UNC5C: variants seen among roughly 807,000 people sequenced by gnomAD.
UNC5C encodes the protein unc-5 netrin receptor C, also known as netrin receptor UNC5C.
In UNC5C, 47 loss-of-function variants were observed where a neutral mutation model predicts 99.8. The ratio of observed to expected loss-of-function variants is 0.47; its 90% CI spans 0.37 to 0.60. UNC5C has a LOEUF of 0.60. Among genes scored for constraint, UNC5C ranks in the 20% least tolerant of loss-of-function variants. The probability of loss-of-function intolerance (pLI) is 0.00; values close to 1 mark genes in which losing one functional copy is unlikely to be tolerated. For missense variants in UNC5C, 1,062 were observed against 1,165.9 expected, an observed-to-expected ratio of 0.91 and a Z score of 1.30; for synonymous variants, 487 against 452.2, an observed-to-expected ratio of 1.08 and a Z score of -0.98.
intron 1 of UNC5C, among the ~76,000 whole-genome samples, chr4:95,452,059 T>C (rs188267230): frequency 6.6e-6 from 1 of 152,280 alleles, no homozygotes; most frequent in East Asian, 1.9e-4. Flanking sequence ...ACATAGCATA[T>C]TGGTTAAAAC....
chr4:95,260,257 A>G (rs6532537), intron 4 of UNC5C, among the ~76,000 whole-genome samples: 78,767 of 152,078 alleles, frequency 0.52, 21,000 homozygotes, highest in African/African-American at 0.62. Context: ...ACCCCAAAGT[A>G]GTCCACAAAA....
intron 1 of UNC5C, among the ~76,000 whole-genome samples, chr4:95,509,161 T>A (rs72876473): frequency 0.064 from 9,728 of 151,952 alleles, 730 homozygotes; most frequent in African/African-American, 0.18. Context: ...TTCTCGATTA[T>A]TATCACAATT....
At chr4:95,516,538 T>C (rs954527056) in intron 1 of UNC5C, among the ~76,000 whole-genome samples, 2 of 152,160 alleles carry the variant, frequency 1.3e-5, no homozygotes, top group African/African-American at 4.8e-5. Context: ...TTGATTGGTG[T>C]ATGGTGAAAG....
intron 1 of UNC5C, among the ~76,000 whole-genome samples, chr4:95,504,947 AT>A (rs2149485454): frequency 6.6e-6 from 1 of 152,108 alleles, no homozygotes; most frequent in East Asian, 1.9e-4. Context: ...AAACTTCTAT[AT>A]TTTTAAGGTG....
intron 7 of UNC5C, among the ~76,000 whole-genome samples, chr4:95,226,182 C>G (rs575741903): frequency 6.6e-6 from 1 of 152,308 alleles, no homozygotes; most frequent in East Asian, 1.9e-4. Context: ...AACTTTCCTG[C>G]TACTTCAAAG....
intron 1 of UNC5C, among the ~76,000 whole-genome samples, chr4:95,393,559 C>T (rs1418258507): frequency 6.6e-6 from 1 of 152,186 alleles, no homozygotes; most frequent in African/African-American, 2.4e-5. Flanking sequence ...GGAAGTTCCA[C>T]TGAATACCAT....
At chr4:95,230,721 A>G (rs552000419) in intron 7 of UNC5C, among the ~76,000 whole-genome samples, 1 of 151,728 alleles carries the variant, frequency 6.6e-6, no homozygotes, top group African/African-American at 2.4e-5. Flanking sequence ...TAAAGCAATA[A>G]AAGCTGACAA....
At chr4:95,180,805 A>G (rs1736581076) in intron 14 of UNC5C, among the ~76,000 whole-genome samples, 1 of 152,156 alleles carries the variant, frequency 6.6e-6, no homozygotes, top group Non-Finnish European at 1.5e-5. Flanking sequence ...TTGGAACGGG[A>G]ACCCCAGCCT....
chr4:95,481,216 C>A (rs993473518), intron 1 of UNC5C, among the ~76,000 whole-genome samples: 2 of 151,916 alleles, frequency 1.3e-5, no homozygotes, highest in African/African-American at 4.8e-5. Context: ...ACACCAATAA[C>A]AGACAAACAG....
chr4:95,318,263 A>T (rs758569875), intron 2 of UNC5C, among the ~76,000 whole-genome samples: 4 of 152,096 alleles, frequency 2.6e-5, no homozygotes, highest in Non-Finnish European at 4.4e-5. Context: ...TGACGTGAAG[A>T]TGGAGGCTGA....
At chr4:95,327,474 G>A (rs1453751355) in intron 2 of UNC5C, among the ~76,000 whole-genome samples, 2 of 151,906 alleles carry the variant, frequency 1.3e-5, no homozygotes, top group East Asian at 3.9e-4. Flanking sequence ...TCAACTGCTT[G>A]TTATATGTTT....
intron 1 of UNC5C, among the ~76,000 whole-genome samples, chr4:95,445,270 T>A (rs1247994594): frequency 6.6e-6 from 1 of 152,190 alleles, no homozygotes; most frequent in Non-Finnish European, 1.5e-5. Flanking sequence ...TTAGTTTTTT[T>A]CTCCTGAATT....
intron 1 of UNC5C, among the ~76,000 whole-genome samples, chr4:95,412,825 G>A (rs779919880): frequency 2.0e-5 from 3 of 152,160 alleles, no homozygotes; most frequent in Non-Finnish European, 2.9e-5. Context: ...TACGTTGCAA[G>A]AAATAGGTGG....
At chr4:95,401,263 G>C (rs1052855588) in intron 1 of UNC5C, among the ~76,000 whole-genome samples, 11 of 152,094 alleles carry the variant, frequency 7.2e-5, no homozygotes, top group African/African-American at 2.6e-4. Context: ...CAAAACATAG[G>C]AGCTAATAAT....
chr4:95,420,585 T>C (rs1746290968), intron 1 of UNC5C, among the ~76,000 whole-genome samples: 1 of 152,186 alleles, frequency 6.6e-6, no homozygotes, highest in East Asian at 1.9e-4. Flanking sequence ...AGTCCATTTG[T>C]TTTCCTTCTT....
At position 95,170,186 on chromosome 4, in the gene UNC5C, C is replaced by A; in HGVS notation, c.2598G>T (p.Trp866Cys). 1 of 1,614,150 alleles carries A rather than the reference C, an allele frequency of 6.2e-7. No homozygotes were observed. The highest frequency in any genetic ancestry group is 8.5e-7 in the Non-Finnish European group (1 of 1,180,024). ...GGTTCAGCTTATGGGCCAGCATCCT[C>A]CAGTCATGGCCTCTCGTCTGGGGGG... ...LDAPQTRGHD[W>C]RMLAHKLNLD... The change falls in exon 15 of 16, where the codon TGG becomes TGT. Residue 866 changes from tryptophan (W) to cysteine (C), a missense_variant. This residue lies in a region of UNC5C where 810 missense variants were observed against 854.5 expected (regional missense o/e 0.95). Coordinates refer to ENST00000453304, the MANE Select transcript of UNC5C (RefSeq NM_003728.4).
rs140964695 is a variant in UNC5C, at chr4:95,287,631, T to C, written c.491-9269A>G. Among the ~76,000 whole-genome samples the C allele has an allele frequency of 6.0e-3, 917 of 152,298 alleles. 2 individuals are homozygous for C. Among genetic ancestry groups the C allele is most frequent in the Middle Eastern group, 0.017 (5 of 294 alleles). ...TATTCTTTTCTCCAGAGTCTGGATT[T>C]AGCTTCAGGATCTGCTCCAACACAG... On this transcript the variant is annotated intron_variant, in intron 3 of 15. Transcript: ENST00000453304.
intron 4 of UNC5C, among the ~76,000 whole-genome samples, chr4:95,271,495 C>T (rs1462729938): frequency 6.6e-6 from 1 of 152,100 alleles, no homozygotes; most frequent in Non-Finnish European, 1.5e-5. Flanking sequence ...TACCAAAGTG[C>T]TGGGATTACA....
intron 1 of UNC5C, among the ~76,000 whole-genome samples, chr4:95,533,091 T>A (rs1018925271): frequency 3.3e-5 from 5 of 152,050 alleles, no homozygotes; most frequent in Non-Finnish European, 1.5e-5. Context: ...CATCATTTAA[T>A]CATTAAGTAA....
Sources: gnomAD v4.1 joint callset for allele counts (sites outside exome capture counted in the v4.1 genomes callset) on GRCh38, gnomAD v4.1.1 for gene constraint, gnomAD v4.1.1 regional missense constraint, MANE v1.5 for transcripts, NCBI Gene and HGNC (gene_info 2026-07-23, HGNC 2026-07-21) for gene names.